The following HEMK2 variants were observed in gnomAD, a reference collection of about 807,000 sequenced individuals.
HEMK2 encodes HemK methyltransferase 2, ETF1 glutamine and histone H4 lysine.
At chr21:28,885,303 C>T in the HEMK2 span, 1 of 1,588,770 alleles carries the variant, frequency 6.3e-7, no homozygotes, top group Non-Finnish European at 8.6e-7. Flanking sequence ...GCGCCGCGGC[C>T]CACGTGCCCG....
the HEMK2 span, among the ~76,000 whole-genome samples, chr21:28,751,998 T>A: frequency 6.6e-6 from 1 of 152,188 alleles, no homozygotes; most frequent in Non-Finnish European, 1.5e-5. Context: ...GTTTGTTTTA[T>A]AGACAAGAAA....
the HEMK2 span, among the ~76,000 whole-genome samples, chr21:28,632,541 A>G: frequency 5.6e-4 from 86 of 152,342 alleles, no homozygotes; most frequent in South Asian, 8.3e-4. Context: ...TTTTCCAACC[A>G]TTCTTCGGTT....
At chr21:28,682,123 A>C in the HEMK2 span, among the ~76,000 whole-genome samples, 2 of 151,934 alleles carry the variant, frequency 1.3e-5, no homozygotes, top group Admixed American at 6.6e-5. Context: ...CAACCTACAG[A>C]ATGGGAGAAA....
At chr21:28,768,865 C>T in the HEMK2 span, among the ~76,000 whole-genome samples, 4 of 151,904 alleles carry the variant, frequency 2.6e-5, no homozygotes, top group African/African-American at 9.7e-5. Flanking sequence ...CCTAATAGGA[C>T]TGCTGTCCTT....
the HEMK2 span, chr21:28,885,334 C>T: frequency 2.5e-6 from 4 of 1,579,710 alleles, no homozygotes; most frequent in Admixed American, 3.4e-5. Context: ...TAGCGAAGTT[C>T]TCCCCTGCCA....
At chr21:28,862,517 T>C in the HEMK2 span, among the ~76,000 whole-genome samples, 1 of 145,178 alleles carries the variant, frequency 6.9e-6, no homozygotes, top group African/African-American at 2.7e-5. Flanking sequence ...CGGGCGCCTG[T>C]AGTCCCAGCT....
the HEMK2 span, chr21:28,674,637 G>A: frequency 1.7e-4 from 26 of 152,194 alleles, no homozygotes; most frequent in Admixed American, 1.6e-3. Flanking sequence ...CTCCAGATCT[G>A]AGCACTCACC....
chr21:28,843,276 T>A, the HEMK2 span, among the ~76,000 whole-genome samples: 1 of 152,112 alleles, frequency 6.6e-6, no homozygotes, highest in African/African-American at 2.4e-5. Flanking sequence ...CAGTTCTGCA[T>A]GGCTGAGGAG....
the HEMK2 span, among the ~76,000 whole-genome samples, chr21:28,735,147 T>C: frequency 6.6e-6 from 1 of 152,194 alleles, no homozygotes; most frequent in Non-Finnish European, 1.5e-5. Flanking sequence ...CTTTTGGGGC[T>C]ATGTTGGTTT....
chr21:28,605,194 A>G, the HEMK2 span, among the ~76,000 whole-genome samples: 1 of 152,224 alleles, frequency 6.6e-6, no homozygotes, highest in Non-Finnish European at 1.5e-5. Flanking sequence ...AAGGAACTCC[A>G]TTGGCATGTA....
At chr21:28,657,444 ACCCATGAGTTTGTAACTT>A in the HEMK2 span, among the ~76,000 whole-genome samples, 105 of 152,238 alleles carry the variant, frequency 6.9e-4, no homozygotes, top group African/African-American at 2.4e-3. Context: ...CAAAGATCTA[ACCCATGAGTTTGTAACTT>A]TAATATTCTG....
chr21:28,692,399 T>C, the HEMK2 span, among the ~76,000 whole-genome samples: 991 of 152,180 alleles, frequency 6.5e-3, 5 homozygotes, highest in Non-Finnish European at 0.011. Flanking sequence ...TATGAAGCTA[T>C]ATGCAATGAT....
chr21:28,623,658 A>C, the HEMK2 span, among the ~76,000 whole-genome samples: 2 of 152,262 alleles, frequency 1.3e-5, no homozygotes, highest in Admixed American at 6.5e-5. Flanking sequence ...GTAGCCATAA[A>C]AAAGGATGAG....
chr21:28,777,275 T>C, the HEMK2 span, among the ~76,000 whole-genome samples: 2 of 152,216 alleles, frequency 1.3e-5, no homozygotes, highest in Admixed American at 6.5e-5. Context: ...TCATGTGACC[T>C]CTTTACAGTC....
chr21:28,864,597 G>A, the HEMK2 span, among the ~76,000 whole-genome samples: 26 of 152,198 alleles, frequency 1.7e-4, no homozygotes, highest in East Asian at 3.3e-3. Context: ...GGACCCATAT[G>A]CATAAACATT....
the HEMK2 span, among the ~76,000 whole-genome samples, chr21:28,877,005 G>GAGGAAGGAAGGA: frequency 5.2e-4 from 18 of 34,554 alleles, 1 homozygote; most frequent in Non-Finnish European, 7.3e-4. Flanking sequence ...GGGAGGGAGG[G>GAGGAAGGAAGGA]AGGAAGGAAG....
At chr21:28,611,453 C>T in the HEMK2 span, among the ~76,000 whole-genome samples, 1 of 152,130 alleles carries the variant, frequency 6.6e-6, no homozygotes, top group Non-Finnish European at 1.5e-5. Context: ...CTACTATGGA[C>T]ATCTTTACAT....
the HEMK2 span, among the ~76,000 whole-genome samples, chr21:28,714,767 C>T: frequency 2.6e-5 from 4 of 152,228 alleles, no homozygotes; most frequent in Admixed American, 1.3e-4. Context: ...GCATAGTACT[C>T]AATAGGTAGT....
the HEMK2 span, among the ~76,000 whole-genome samples, chr21:28,670,786 G>A: frequency 6.6e-6 from 1 of 152,198 alleles, no homozygotes; most frequent in African/African-American, 2.4e-5. Flanking sequence ...TGTCTTACAT[G>A]GCAGCAGGCA....
Sources: allele counts gnomAD v4.1 joint callset (sites outside exome capture counted in the v4.1 genomes callset), GRCh38; gene constraint gnomAD v4.1.1; transcripts MANE v1.5; gene names NCBI Gene and HGNC (gene_info 2026-07-23, HGNC 2026-07-21).